The following MDFIC2 variants were observed in gnomAD, a reference collection of about 807,000 sequenced individuals.
MDFIC2 encodes myoD family inhibitor domain-containing protein 2.
At chr3:70,214,399 G>A (rs144699994) in intron 2 of MDFIC2, among the ~76,000 whole-genome samples, 4 of 152,034 alleles carry the variant, frequency 2.6e-5, no homozygotes, top group Admixed American at 2.6e-4. Flanking sequence ...GACATTTTAA[G>A]CCTTTTCAAT....
intron 2 of MDFIC2, among the ~76,000 whole-genome samples, chr3:70,306,554 C>G (rs1419063183): frequency 6.6e-6 from 1 of 152,122 alleles, no homozygotes; most frequent in Non-Finnish European, 1.5e-5. Flanking sequence ...GAGAATAAAG[C>G]TTGTTTATTG....
intron 2 of MDFIC2, among the ~76,000 whole-genome samples, chr3:70,245,173 C>T (rs1424599950): frequency 6.6e-6 from 1 of 152,026 alleles, no homozygotes; most frequent in Non-Finnish European, 1.5e-5. Flanking sequence ...ATTTAGGGTG[C>T]TTGCAATGCA....
At chr3:70,251,206 C>G (rs1249654369) in intron 2 of MDFIC2, among the ~76,000 whole-genome samples, 1 of 152,180 alleles carries the variant, frequency 6.6e-6, no homozygotes, top group African/African-American at 2.4e-5. Context: ...TCCTCAGGTT[C>G]TGTGGTTATT....
intron 2 of MDFIC2, among the ~76,000 whole-genome samples, chr3:70,285,738 A>T (rs979177181): frequency 6.6e-6 from 1 of 151,550 alleles, no homozygotes; most frequent in African/African-American, 2.4e-5. Flanking sequence ...TGACTTTTTA[A>T]TGATTGCCAT....
chr3:70,264,437 G>A (rs1288109295), intron 2 of MDFIC2, among the ~76,000 whole-genome samples: 6 of 152,274 alleles, frequency 3.9e-5, no homozygotes, highest in African/African-American at 9.6e-5. Flanking sequence ...ACTGAATATC[G>A]GCTTGCTAAT....
At chr3:70,290,501 G>T (rs1000217021) in intron 2 of MDFIC2, among the ~76,000 whole-genome samples, 3 of 152,206 alleles carry the variant, frequency 2.0e-5, no homozygotes, top group East Asian at 1.9e-4. Context: ...CAGAGGTTAT[G>T]GCTGTCTTTT....
chr3:70,240,961 G>C (rs1472373309), intron 2 of MDFIC2, among the ~76,000 whole-genome samples: 1 of 152,096 alleles, frequency 6.6e-6, no homozygotes, highest in African/African-American at 2.4e-5. Context: ...CAAGTTAATA[G>C]CTTACTAGCT....
At chr3:70,249,867 G>A (rs141652149) in intron 2 of MDFIC2, among the ~76,000 whole-genome samples, 2,225 of 152,114 alleles carry the variant, frequency 0.015, 20 homozygotes, top group South Asian at 0.056. Flanking sequence ...TCCTTTATTT[G>A]CTAACGTTAA....
chr3:70,204,917 A>G (rs1701276414), intron 3 of MDFIC2: 1 of 151,774 alleles, frequency 6.6e-6, no homozygotes, highest in Admixed American at 6.6e-5. Context: ...GCATCCACAC[A>G]CTCCTGGTAA....
intron 2 of MDFIC2, among the ~76,000 whole-genome samples, chr3:70,267,191 TC>T (rs1343595868): frequency 6.6e-6 from 1 of 152,016 alleles, no homozygotes; most frequent in Non-Finnish European, 1.5e-5. Context: ...TATACTTAAT[TC>T]CCCCTTATGT....
chr3:70,276,424 A>G (rs1426981219), intron 2 of MDFIC2, among the ~76,000 whole-genome samples: 2 of 152,198 alleles, frequency 1.3e-5, no homozygotes, highest in African/African-American at 4.8e-5. Context: ...ACAAATACCC[A>G]TAACAAATCT....
chr3:70,252,988 G>A (rs1378450506), intron 2 of MDFIC2, among the ~76,000 whole-genome samples: 3 of 152,092 alleles, frequency 2.0e-5, no homozygotes, highest in African/African-American at 7.2e-5. Context: ...GCTGAGGCAA[G>A]AGAATCGCTT....
intron 2 of MDFIC2, among the ~76,000 whole-genome samples, chr3:70,310,138 A>G (rs1486153324): frequency 6.6e-6 from 1 of 152,142 alleles, no homozygotes; most frequent in Non-Finnish European, 1.5e-5. Context: ...TTGTTTTTAA[A>G]GGATTCTATT....
chr3:70,309,118 T>A (rs1702433532), intron 2 of MDFIC2, among the ~76,000 whole-genome samples: 2 of 152,108 alleles, frequency 1.3e-5, no homozygotes, highest in Admixed American at 6.6e-5. Flanking sequence ...AAATTCTGAT[T>A]GATAACTGTT....
chr3:70,236,566 T>G (rs144606586), intron 2 of MDFIC2, among the ~76,000 whole-genome samples: 1 of 152,152 alleles, frequency 6.6e-6, no homozygotes, highest in Non-Finnish European at 1.5e-5. Flanking sequence ...ATACTCCTTT[T>G]GGGGCCTGTA....
chr3:70,311,208 G>C (rs763734729), intron 2 of MDFIC2, among the ~76,000 whole-genome samples: 2 of 152,102 alleles, frequency 1.3e-5, no homozygotes, highest in Non-Finnish European at 2.9e-5. Context: ...TGAAAAAGAC[G>C]CAGCATACCT....
At position 70,245,714 on chromosome 3, in the gene MDFIC2, T is replaced by TAC. The variant is rs1405879331; in HGVS notation, c.89-38926_89-38925dup. Reference sequence around the variant, plus strand: ...ATATATATATATATATATATATATATACACATTCAAATGCAAAATAAAGCT... The same window carrying TAC: ...ATATATATATATATATATATATATATACACACATTCAAATGCAAAATAAAGCT... On this transcript the variant is annotated intron_variant, in intron 2 of 3. Coordinates refer to ENST00000567252, the MANE Select transcript of MDFIC2 (RefSeq NM_001364677.1). Among the ~76,000 whole-genome samples, 53 of 123,938 alleles carry TAC rather than the reference T, an allele frequency of 4.3e-4. No homozygotes were observed. In the East Asian group the frequency reaches 7.3e-3, roughly 17 times the overall value. 81.3% of individuals were successfully genotyped at this position (123,938 alleles called of 152,430 possible).
chr3:70,230,808 T>C (rs1701552427), intron 2 of MDFIC2, among the ~76,000 whole-genome samples: 1 of 152,206 alleles, frequency 6.6e-6, no homozygotes, highest in Admixed American at 6.5e-5. Context: ...AAATACGTCT[T>C]CAAATCTCAG....
At chr3:70,284,417 C>A (rs1702119936) in intron 2 of MDFIC2, among the ~76,000 whole-genome samples, 1 of 152,102 alleles carries the variant, frequency 6.6e-6, no homozygotes, top group African/African-American at 2.4e-5. Context: ...AAAGCAAAAA[C>A]AAAAAGAGAA....
Sources: allele counts gnomAD v4.1 joint callset (sites outside exome capture counted in the v4.1 genomes callset), GRCh38; gene constraint gnomAD v4.1.1; transcripts MANE v1.5; gene names NCBI Gene and HGNC (gene_info 2026-07-23, HGNC 2026-07-21).